The following TMEM181 variants were observed in gnomAD, a reference collection of about 807,000 sequenced individuals.
TMEM181 encodes the protein G protein-coupled receptor 178.
TMEM181 carries 39 observed loss-of-function variants against 71.9 expected under a neutral mutation model. The ratio of observed to expected loss-of-function variants is 0.54; its 90% CI spans 0.42 to 0.71. The LOEUF is 0.71. Among genes scored for constraint, TMEM181 ranks in the 30% least tolerant of loss-of-function variants. TMEM181 has a pLI of 0.00. For missense variants in TMEM181, 595 were observed against 583.0 expected (o/e 1.02, Z -0.21); for synonymous variants, 245 against 228.8 (o/e 1.07, Z -0.64).
chr6:158,624,506 C>T (rs1562314269), intron 11 of TMEM181, among the ~76,000 whole-genome samples: 1 of 152,198 alleles, frequency 6.6e-6, no homozygotes, highest in Non-Finnish European at 1.5e-5. Context: ...GCGGCCTGGC[C>T]CTTGTCAGAA....
chr6:158,619,322 A>C (rs941900523), intron 10 of TMEM181, among the ~76,000 whole-genome samples: 3 of 152,084 alleles, frequency 2.0e-5, no homozygotes, highest in Non-Finnish European at 4.4e-5. Context: ...CGTAGTTCTT[A>C]TGCCATGGTT....
At chr6:158,599,020 T>C (rs1423536507) in intron 6 of TMEM181, among the ~76,000 whole-genome samples, 1 of 152,192 alleles carries the variant, frequency 6.6e-6, no homozygotes, top group Non-Finnish European at 1.5e-5. Context: ...GGGCCTCCAG[T>C]CCAGGCCCTT....
intron 1 of TMEM181, among the ~76,000 whole-genome samples, chr6:158,541,669 C>T (rs1162930531): frequency 6.6e-6 from 1 of 152,170 alleles, no homozygotes; most frequent in Non-Finnish European, 1.5e-5. Context: ...GATCAGGTTA[C>T]ATTCAGGTTT....
chr6:158,603,199 A>C (rs1784764628), intron 6 of TMEM181, among the ~76,000 whole-genome samples: 1 of 152,176 alleles, frequency 6.6e-6, no homozygotes, highest in African/African-American at 2.4e-5. Context: ...ACCCCAAATT[A>C]GGCCAGTAGG....
In TMEM181 at chr6:158,619,881, AAAAAAAAAGG is replaced by A. The variant is rs796250497; in HGVS notation, c.897-3667_897-3658del. On this transcript the variant is annotated intron_variant, in intron 10 of 16. Coordinates refer to ENST00000684151, the MANE Select transcript of TMEM181 (RefSeq NM_001376852.1). The stretch of plus-strand genomic sequence containing the variant: ...AGACTCCGTCTCAAAAAAAAAAAAA[AAAAAAAAAGG>A]AGGATGTCATGAGGGGTGCAAGGTT... 3.9e-4 allele frequency among the ~76,000 whole-genome samples: 54 copies of A among 140,088 alleles called. 1 individual carries two copies. The highest frequency in any genetic ancestry group is 3.8e-4 in the Non-Finnish European group (24 of 63,550). The allele number at this position is 140,088 out of a possible 152,430, so 91.9% of individuals were successfully genotyped here.
intron 2 of TMEM181, among the ~76,000 whole-genome samples, chr6:158,575,364 T>G (rs1195237979): frequency 5.3e-5 from 8 of 151,952 alleles, no homozygotes; most frequent in Non-Finnish European, 8.8e-5. Flanking sequence ...CTTCTTTTTT[T>G]TTTGCCCAGG....
At chr6:158,631,706 G>C in intron 16 of TMEM181, 104 bp from the exon 17 acceptor site, 1 of 1,311,826 alleles carries the variant, frequency 7.6e-7, no homozygotes, top group East Asian at 2.5e-5. Flanking sequence ...AATTGAAAGA[G>C]CGAAGCTATG....
At chr6:158,609,097 C>CAA (rs61268690) in intron 10 of TMEM181, among the ~76,000 whole-genome samples, 18,934 of 113,148 alleles carry the variant, frequency 0.17, 1,381 homozygotes, top group Middle Eastern at 0.25. Context: ...GACCTTGTCT[C>CAA]AAAAAAAAAA....
At chr6:158,605,130 AAGTGTGTGTGTGTGT>A (rs2128314857) in intron 6 of TMEM181, 122 bp from the exon 7 acceptor site, 3 of 211,056 alleles carry the variant, frequency 1.4e-5, no homozygotes, top group South Asian at 1.0e-4. Flanking sequence ...AAAAAAAAAA[AAGTGTGTGTGTGTGT>A]GTGTGTGTGT....
intron 13 of TMEM181, among the ~76,000 whole-genome samples, chr6:158,626,113 G>A (rs1471253903): frequency 2.0e-5 from 3 of 152,232 alleles, no homozygotes; most frequent in African/African-American, 4.8e-5. Flanking sequence ...GACTCTAAGC[G>A]AGTTAGGACA....
intron 6 of TMEM181, among the ~76,000 whole-genome samples, chr6:158,601,566 C>T (rs1312800161): frequency 2.0e-5 from 3 of 152,026 alleles, no homozygotes; most frequent in Non-Finnish European, 4.4e-5. Context: ...CAAGACCAGC[C>T]TGGCCAATAT....
At chr6:158,553,679 T>C (rs1367682132) in intron 1 of TMEM181, among the ~76,000 whole-genome samples, 1 of 152,264 alleles carries the variant, frequency 6.6e-6, no homozygotes. Context: ...AACAGTATAT[T>C]AATATGTTGG....
At chr6:158,583,470 T>C (rs1235743575) in intron 3 of TMEM181, among the ~76,000 whole-genome samples, 1 of 152,128 alleles carries the variant, frequency 6.6e-6, no homozygotes, top group Non-Finnish European at 1.5e-5. Context: ...TAGTCGTTTC[T>C]TCTTCTGAAA....
intron 10 of TMEM181, among the ~76,000 whole-genome samples, chr6:158,613,101 C>G (rs1184618030): frequency 1.3e-5 from 2 of 152,144 alleles, no homozygotes; most frequent in Non-Finnish European, 2.9e-5. Context: ...GTTGGGATTG[C>G]TTCCTCAGCT....
rs773184844 is a variant in TMEM181 at position 158,631,389 on chromosome 6, G to A, written c.1349G>A (p.Gly450Glu). 2.5e-6 allele frequency: 4 copies of A among 1,614,036 alleles called. No homozygotes were observed. The African/African-American group carries it at 5.3e-5, about 22-fold the overall frequency. ...GACTCGGATGATGATGTGATTTATG[G>A]GTAAGTCCCTGTCCGTTAGAAGGCC... Reference protein sequence around the residue: ...LNDSDDDVIYGSDYEEMPLQN... With the variant: ...LNDSDDDVIYESDYEEMPLQN... Residue 450 changes from glycine to glutamate, a missense_variant and splice_region_variant, in exon 16 of 17, where the codon GGG becomes GAG. Gly to Glu is a moderately conservative substitution (Grantham distance 98). Transcript: ENST00000684151.
At position 158,547,113 on chromosome 6, in the gene TMEM181, C is replaced by T. The variant is rs187003285; in HGVS notation, c.131+10248C>T. ...CCTGGCCAACATGGCGACGCTTCAT[C>T]TCTACAAAAAACACAGGAATTAGCT... On this transcript the variant is annotated intron_variant, in intron 1 of 16. Coordinates refer to the TMEM181 transcript ENST00000367090. Among the ~76,000 whole-genome samples, 192 of 152,350 alleles carry T rather than the reference C, an allele frequency of 1.3e-3. 1 individual carries two copies. Among genetic ancestry groups the T allele is most frequent in the Non-Finnish European group, 3.4e-4 (23 of 68,044 alleles).
chr6:158,560,453 G>A (rs550267183), intron 1 of TMEM181, among the ~76,000 whole-genome samples: 232 of 152,288 alleles, frequency 1.5e-3, no homozygotes, highest in African/African-American at 5.0e-3. Flanking sequence ...CTGCCTGCCC[G>A]CCCGGCCGCG....
At chr6:158,562,889 T>C (rs969536136) in intron 1 of TMEM181, among the ~76,000 whole-genome samples, 5 of 152,192 alleles carry the variant, frequency 3.3e-5, no homozygotes, top group Admixed American at 2.6e-4. Flanking sequence ...AGTTTCTCTT[T>C]TCCCCATTTT....
Position 158,625,758 on chromosome 6 carries a change from A to G in TMEM181, c.1109+4A>G, listed in dbSNP as rs2128329013. ...CTTTCGTAGTACTTGTCATTAGGTAAGAAGACCTTATTTCTTGAAAACAGC... is the reference window on the plus strand; with the variant it reads ...CTTTCGTAGTACTTGTCATTAGGTAGGAAGACCTTATTTCTTGAAAACAGC... On this transcript the variant is annotated splice_donor_region_variant and intron_variant, in intron 13 of 16. Transcript: ENST00000684151. The G allele has an allele frequency of 6.2e-7, 1 of 1,607,898 alleles. No homozygotes were observed. The highest frequency in any genetic ancestry group is 1.7e-4 in the Middle Eastern group (1 of 6,048).
Sources: gnomAD v4.1 joint callset for allele counts (sites outside exome capture counted in the v4.1 genomes callset) on GRCh38, gnomAD v4.1.1 for gene constraint, MANE v1.5 for transcripts, NCBI Gene and HGNC (gene_info 2026-07-23, HGNC 2026-07-21) for gene names.